Variants in OCA2 observed in about 807,000 individuals in gnomAD.
OCA2 encodes the protein OCA2 melanosomal transmembrane protein, also known as P protein.
A neutral mutation model predicts 100.2 loss-of-function variants in OCA2; 77 were observed. The observed-to-expected ratio is 0.77, with a 90% confidence interval of 0.64 to 0.93. The LOEUF (loss-of-function observed/expected upper bound fraction) is 0.93, where lower values mean the gene tolerates loss of function less well. Among genes scored for constraint, OCA2 ranks in the 40% least tolerant of loss-of-function variants. The pLI is 0.00. For missense variants in OCA2, 1,062 were observed against 1,089.1 expected (o/e 0.98, Z 0.35); for synonymous variants, 432 against 439.2 (o/e 0.98, Z 0.21).
chr15:27,935,882 C>T (rs967454443), intron 18 of OCA2, among the ~76,000 whole-genome samples: 1 of 152,190 alleles, frequency 6.6e-6, no homozygotes, highest in Non-Finnish European at 1.5e-5. Flanking sequence ...TGACCAAAGG[C>T]AGTACTGTCC....
At chr15:28,044,271 G>A (rs533131741) in intron 2 of OCA2, among the ~76,000 whole-genome samples, 3 of 152,178 alleles carry the variant, frequency 2.0e-5, no homozygotes, top group African/African-American at 7.2e-5. Flanking sequence ...ATGATAGTAG[G>A]TGGCAACGCA....
intron 23 of OCA2, among the ~76,000 whole-genome samples, chr15:27,767,543 T>C (rs764366902): frequency 1.3e-5 from 2 of 151,236 alleles, no homozygotes; most frequent in African/African-American, 2.4e-5. Flanking sequence ...AATGCACCAA[T>C]CAGCACTCTG....
chr15:27,929,081 T>G (rs2039151340), intron 18 of OCA2, among the ~76,000 whole-genome samples: 2 of 152,226 alleles, frequency 1.3e-5, no homozygotes, highest in African/African-American at 4.8e-5. Flanking sequence ...TATGTCTTCT[T>G]TCATTTTTCC....
At chr15:27,836,057 G>C (rs577424361) in intron 23 of OCA2, among the ~76,000 whole-genome samples, 3 of 152,268 alleles carry the variant, frequency 2.0e-5, no homozygotes, top group South Asian at 4.2e-4. Context: ...GGACTCTCTG[G>C]CCTTCAGGAG....
chr15:27,872,294 T>G (rs1427359404), intron 19 of OCA2, among the ~76,000 whole-genome samples: 3 of 152,252 alleles, frequency 2.0e-5, no homozygotes, highest in Non-Finnish European at 4.4e-5. Flanking sequence ...CAATTTCTTT[T>G]TAAAGTTAAA....
chr15:28,021,811 G>A (rs1207575027), intron 6 of OCA2, among the ~76,000 whole-genome samples: 2 of 152,196 alleles, frequency 1.3e-5, no homozygotes, highest in Admixed American at 6.5e-5. Flanking sequence ...AGGTAGGAGG[G>A]GAAAAAGTAG....
intron 8 of OCA2, among the ~76,000 whole-genome samples, chr15:28,015,180 T>G (rs1243962346): frequency 6.6e-6 from 1 of 151,774 alleles, no homozygotes; most frequent in African/African-American, 2.4e-5. Flanking sequence ...GAACAGTGAG[T>G]AGGGGCCTGC....
chr15:27,898,181 T>C (rs2151633013), intron 19 of OCA2, among the ~76,000 whole-genome samples: 1 of 152,320 alleles, frequency 6.6e-6, no homozygotes. Flanking sequence ...TGAAATTAGT[T>C]AAGACTTTGG....
intron 11 of OCA2, 140 bp downstream of exon 11, chr15:27,989,461 T>A (rs1173860644): frequency 1.4e-6 from 1 of 739,888 alleles, no homozygotes; most frequent in Non-Finnish European, 2.4e-6. Flanking sequence ...AGGAGATTCA[T>A]GAGACCTGCA....
intron 21 of OCA2, among the ~76,000 whole-genome samples, chr15:27,854,511 C>T (rs192447079): frequency 3.3e-5 from 5 of 152,262 alleles, no homozygotes; most frequent in Admixed American, 1.3e-4. Context: ...ATAAGTAGCA[C>T]GCTAGGAAAA....
chr15:27,852,394 G>A (rs915166004), intron 21 of OCA2, among the ~76,000 whole-genome samples: 5 of 152,064 alleles, frequency 3.3e-5, no homozygotes, highest in Non-Finnish European at 5.9e-5. Context: ...ATTTCTGAGG[G>A]CTCTGTTCTG....
At chr15:27,779,989 G>A (rs1419757509) in intron 23 of OCA2, among the ~76,000 whole-genome samples, 2 of 152,166 alleles carry the variant, frequency 1.3e-5, no homozygotes, top group African/African-American at 2.4e-5. Flanking sequence ...TAAGAGGGTA[G>A]ATCTCATGTT....
At chr15:27,923,538 C>T (rs952826786) in intron 19 of OCA2, among the ~76,000 whole-genome samples, 1 of 152,134 alleles carries the variant, frequency 6.6e-6, no homozygotes, top group Non-Finnish European at 1.5e-5. Flanking sequence ...TTTGTTGACT[C>T]TTTAATAATA....
chr15:27,734,625 G>A, the OCA2 span, among the ~76,000 whole-genome samples: 1,365 of 152,290 alleles, frequency 9.0e-3, 25 homozygotes, highest in African/African-American at 0.031. Flanking sequence ...AGGCAGGCTC[G>A]ACCTCCAGCT....
intron 18 of OCA2, among the ~76,000 whole-genome samples, chr15:27,941,388 T>C (rs865795996): frequency 1.3e-5 from 2 of 152,166 alleles, no homozygotes; most frequent in Admixed American, 6.6e-5. Flanking sequence ...TCCGTCAAAA[T>C]TATCCAACCT....
chr15:28,044,901 T>G (rs2043304372), intron 2 of OCA2, among the ~76,000 whole-genome samples: 1 of 152,238 alleles, frequency 6.6e-6, no homozygotes, highest in African/African-American at 2.4e-5. Flanking sequence ...TATCTCCATA[T>G]GTTATTTTAA....
intron 19 of OCA2, among the ~76,000 whole-genome samples, chr15:27,873,488 T>C (rs1318307755): frequency 6.6e-6 from 1 of 152,266 alleles, no homozygotes; most frequent in Non-Finnish European, 1.5e-5. Context: ...TTTTATTTTG[T>C]TTGATATCAT....
chr15:27,986,650 G>C lies in OCA2; in HGVS notation c.1183-7C>G. 12 of 1,530,532 alleles carry C rather than the reference G, an allele frequency of 7.8e-6. No homozygotes were observed. The highest frequency in any genetic ancestry group is 1.7e-5 in the Admixed American group (1 of 59,920). 94.8% of individuals were successfully genotyped at this position (1,530,532 alleles called of 1,614,324 possible). A position where few individuals can be genotyped will look rare whatever the true frequency, so the allele number is the denominator to read the frequency against. On this transcript the variant is annotated splice_polypyrimidine_tract_variant and splice_region_variant and intron_variant, in intron 11 of 23. Coordinates refer to ENST00000354638, the MANE Select transcript of OCA2 (RefSeq NM_000275.3). ...ATATGGCTACTAAGATCATCTATGGGGAAAAGAAGAAGACAAGGATAATCT... is the reference window on the plus strand; with the variant it reads ...ATATGGCTACTAAGATCATCTATGGCGAAAAGAAGAAGACAAGGATAATCT...
chr15:28,081,572 C>T (rs1238658523), intron 2 of OCA2, 76 bp downstream of exon 2: 10 of 1,418,094 alleles, frequency 7.1e-6, no homozygotes, highest in East Asian at 2.4e-5. Context: ...CCACAACAAA[C>T]GTGGGGGAAC....
Sources: allele counts gnomAD v4.1 joint callset (sites outside exome capture counted in the v4.1 genomes callset), GRCh38; gene constraint gnomAD v4.1.1; transcripts MANE v1.5; gene names NCBI Gene and HGNC (gene_info 2026-07-23, HGNC 2026-07-21).